The following RAPH1 variants were observed in gnomAD, a reference collection of about 807,000 sequenced individuals.
The protein encoded by RAPH1 is ras-associated and pleckstrin homology domains-containing protein 1.
RAPH1 carries 18 observed loss-of-function variants against 88.1 expected under a neutral mutation model. The ratio of observed to expected loss-of-function variants is 0.20; its 90% CI spans 0.14 to 0.30. The LOEUF is 0.30. RAPH1 is among the 10% of genes least tolerant of loss of function. The pLI is 1.00. For synonymous variants in RAPH1, 587 were observed against 559.0 expected, an observed-to-expected ratio of 1.05 and a Z score of -0.71; for missense variants, 1,448 against 1,543.2, an observed-to-expected ratio of 0.94 and a Z score of 1.03.
At chr2:203,526,816 G>A (rs543993820) in intron 1 of RAPH1, among the ~76,000 whole-genome samples, 17 of 146,074 alleles carry the variant, frequency 1.2e-4, no homozygotes, top group African/African-American at 2.8e-4. Context: ...ACAGAGTCTC[G>A]CTCTGTCACC....
rs2098503213 is a variant in RAPH1, at chr2:203,440,949, C to T, written c.2241G>A (p.Leu747=). The T allele has an allele frequency of 5.1e-6, 8 of 1,567,374 alleles. No homozygotes were observed. The highest frequency in any genetic ancestry group is 6.0e-6 in the Non-Finnish European group (7 of 1,160,488). ...LPQFSAPPPP[L]KIHQVQHITQ... The stretch of plus-strand genomic sequence containing the variant: ...TAATATGCTGAACTTGATGGATCTT[C>T]AGTGGAGGAGGCGGGGCACTGAACT... Residue 747 remains leucine, a synonymous_variant, in exon 14 of 14, where the codon CTG becomes CTA. Transcript: ENST00000319170.
chr2:203,510,335 C>CAAAAAAAAA lies in RAPH1; in HGVS notation c.1-14991_1-14983dup, dbSNP rs33911103. Among the ~76,000 whole-genome samples, 6 of 38,116 alleles carry CAAAAAAAAA rather than the reference C, an allele frequency of 1.6e-4. 1 individual carries two copies. The highest frequency in any genetic ancestry group is 3.4e-4 in the African/African-American group (3 of 8,780). 25.0% of individuals were successfully genotyped at this position (38,116 alleles called of 152,430 possible). ...TGGGTGATAGAGCAAAACTCCATCTCAAAAAAAAAAAAAAAAAAAAAAAAA... is the reference window on the plus strand; with the variant it reads ...TGGGTGATAGAGCAAAACTCCATCTCAAAAAAAAAAAAAAAAAAAAAAAAAAAAAAAAAA... On this transcript the variant is annotated intron_variant, in intron 1 of 13. Transcript: ENST00000319170.
Position 203,441,021 on chromosome 2 carries a change from A to T in RAPH1, c.2169T>A (p.Ser723=). 1 of 1,091,594 alleles carries T rather than the reference A, an allele frequency of 9.2e-7. No individual in the cohort carries two copies. Among genetic ancestry groups the T allele is most frequent in the Non-Finnish European group, 1.2e-6 (1 of 835,764 alleles). The allele number at this position is 1,091,594 out of a possible 1,614,324, so 67.6% of individuals were successfully genotyped here. ...PPPPPPPTPG[S]AMAQLKPAPC... is the part of the protein sequence containing the mutation. The stretch of plus-strand genomic sequence containing the variant: ...GTGCAGGCTTTAGCTGGGCCATGGC[A>T]GAGCCTGGGGTTGGGGGTGGAGGAG... The change falls in exon 14 of 14, where the codon TCT becomes TCA. Residue 723 remains serine (S), a synonymous_variant. Coordinates refer to ENST00000319170, the MANE Select transcript of RAPH1 (RefSeq NM_213589.3).
At chr2:203,446,430 T>A (rs1250857294) in intron 12 of RAPH1, 2 of 152,242 alleles carry the variant, frequency 1.3e-5, no homozygotes, top group South Asian at 2.1e-4. Context: ...CACTGTGAAG[T>A]TACCCCTAAT....
chr2:203,457,175 TTTTA>T (rs559431461), intron 8 of RAPH1, among the ~76,000 whole-genome samples: 11 of 151,532 alleles, frequency 7.3e-5, no homozygotes, highest in South Asian at 2.1e-4. Context: ...TAATATTTTA[TTTTA>T]TTTATTTATT....
At chr2:203,476,570 AT>A in intron 4 of RAPH1, among the ~76,000 whole-genome samples, 1 of 152,292 alleles carries the variant, frequency 6.6e-6, no homozygotes. Context: ...CATTTTAAAT[AT>A]TTAATAGGCA....
intron 4 of RAPH1, among the ~76,000 whole-genome samples, chr2:203,485,273 T>C (rs1308250263): frequency 6.6e-6 from 1 of 152,020 alleles, no homozygotes; most frequent in Non-Finnish European, 1.5e-5. Context: ...TAGCCAGGCG[T>C]GGTGGCATGT....
At position 203,448,131 on chromosome 2, in the gene RAPH1, A is replaced by G; in HGVS notation, c.1513-52T>C. On this transcript the variant is annotated intron_variant, in intron 11 of 13. Transcript: ENST00000319170. This position sits in a 1 kb window ranked among gnomAD's most constrained non-coding sequence, Gnocchi z 4.1. ...ATCTAAACTTTACTGAGTATGATAC[A>G]GAAGGATAAGGTGAAATGGGGGACA... is the stretch of plus-strand genomic sequence containing the variant. 1 of 1,572,034 alleles carries G rather than the reference A, an allele frequency of 6.4e-7. No individual in the cohort carries two copies. Among genetic ancestry groups the G allele is most frequent in the Non-Finnish European group, 8.7e-7 (1 of 1,150,106 alleles).
Position 203,489,950 on chromosome 2 carries a change from A to G in RAPH1, c.366T>C (p.Pro122=), listed in dbSNP as rs1450445450. The G allele has an allele frequency of 6.2e-7, 1 of 1,614,128 alleles. No homozygotes were observed. The highest frequency in any genetic ancestry group is 2.2e-5 in the East Asian group (1 of 44,902). The change falls in exon 4 of 14, where the codon CCT becomes CCC. Residue 122 remains proline (P), a synonymous_variant. Transcript: ENST00000319170. ...CATGTTTCAATGTATGTCGGCTAAC[A>G]GGCAATTTCTGAGTAGCTTTCGTTT... ...ITETKATQKL[P]VSRHTLKHGT...
At position 203,454,576 on chromosome 2, in the gene RAPH1, T is replaced by C. The variant is rs376635226; in HGVS notation, c.1303-36A>G. ...AACACCAAAAAGATAAAATTAATAA[T>C]AATGCACAAACAAGCAAATATACCT... On this transcript the variant is annotated intron_variant, in intron 9 of 13. Coordinates refer to ENST00000319170, the MANE Select transcript of RAPH1 (RefSeq NM_213589.3). The C allele has an allele frequency of 2.2e-5, 33 of 1,476,760 alleles. No homozygotes were observed. The African/African-American group carries it at 4.4e-4, about 20-fold the overall frequency. The allele number at this position is 1,476,760 out of a possible 1,614,324, so 91.5% of individuals were successfully genotyped here.
Position 203,437,267 on chromosome 2 carries a change from T to G in RAPH1, c.*2170A>C. 1 of 152,300 alleles carries G rather than the reference T, an allele frequency of 6.6e-6. No individual in the cohort carries two copies. Among genetic ancestry groups the G allele is most frequent in the East Asian group, 1.9e-4 (1 of 5,184 alleles). The allele number at this position is 152,300 out of a possible 1,614,324, so 9.4% of individuals were successfully genotyped here. ...TTCCCCCTCAAGAAAAACTGAAGTG[T>G]TGTCTACCTTCTCATGAGAAAATCA... On this transcript the variant is annotated 3_prime_UTR_variant, in exon 14 of 14. Transcript: ENST00000319170.
chr2:203,483,420 T>C (rs1687817305), intron 4 of RAPH1, among the ~76,000 whole-genome samples: 1 of 152,078 alleles, frequency 6.6e-6, no homozygotes. Context: ...AGAAAATAAG[T>C]AGATAAAGAC....
chr2:203,463,685 G>GTT (rs1204692887), intron 4 of RAPH1, among the ~76,000 whole-genome samples: 8 of 152,182 alleles, frequency 5.3e-5, no homozygotes, highest in African/African-American at 1.9e-4. Flanking sequence ...AGAGGGCTAA[G>GTT]ACGAGACTGA....
intron 1 of RAPH1, among the ~76,000 whole-genome samples, chr2:203,528,774 T>G (rs772794031): frequency 1.3e-5 from 2 of 151,898 alleles, no homozygotes; most frequent in African/African-American, 2.4e-5. Flanking sequence ...AAGTACACTA[T>G]TCACAGATAA....
chr2:203,493,609 C>T (rs996506606), intron 2 of RAPH1, among the ~76,000 whole-genome samples: 1 of 152,028 alleles, frequency 6.6e-6, no homozygotes, highest in Admixed American at 6.5e-5. Context: ...ACATCTCTGA[C>T]AAAAAATGTC....
chr2:203,522,974 G>A (rs1204641160), intron 1 of RAPH1, among the ~76,000 whole-genome samples: 4 of 149,518 alleles, frequency 2.7e-5, no homozygotes, highest in Non-Finnish European at 5.9e-5. Context: ...CTGATTTCAA[G>A]ACTCACTATC....
chr2:203,512,533 G>A (rs1305204652), intron 1 of RAPH1, among the ~76,000 whole-genome samples: 1 of 151,828 alleles, frequency 6.6e-6, no homozygotes, highest in Admixed American at 6.6e-5. Flanking sequence ...AAATTGCCTT[G>A]GGTGACAAGA....
intron 4 of RAPH1, among the ~76,000 whole-genome samples, chr2:203,462,482 T>C (rs1050595514): frequency 3.3e-5 from 5 of 152,190 alleles, no homozygotes; most frequent in African/African-American, 9.6e-5. Context: ...AGTATACCAA[T>C]ACAAATATAA....
At position 203,455,559 on chromosome 2, in the gene RAPH1, C is replaced by G. The variant is rs79558468; in HGVS notation, c.1180G>C (p.Val394Leu). 1.2e-6 allele frequency: 2 copies of G among 1,611,978 alleles called. No individual in the cohort carries two copies. The highest frequency in any genetic ancestry group is 1.7e-5 in the Admixed American group (1 of 59,562). ...ACTCCTTCAATTTCTGGTACAGTTA[C>G]AGAACTTCCACAAAAACATTCCTAA... ...LLEECFCGSS[V>L]TVPEIEGVLW... Residue 394 changes from valine to leucine, a missense_variant, in exon 9 of 14, where the codon GTA becomes CTA. Val to Leu is a conservative substitution (Grantham distance 32). Coordinates refer to ENST00000319170, the MANE Select transcript of RAPH1 (RefSeq NM_213589.3).
Sources: gnomAD v4.1 joint callset for allele counts (sites outside exome capture counted in the v4.1 genomes callset) on GRCh38, gnomAD v4.1.1 for gene constraint, Gnocchi (gnomAD v3.1) non-coding constraint, MANE v1.5 for transcripts, NCBI Gene and HGNC (gene_info 2026-07-23, HGNC 2026-07-21) for gene names.